Variants in SLC9A9 observed in about 807,000 individuals in gnomAD.
SLC9A9 encodes the protein solute carrier family 9 member A9.
Under a neutral mutation model 77.8 loss-of-function variants are expected in SLC9A9, and 62 were observed. That is an observed-to-expected ratio of 0.80 (90% CI 0.65 to 0.98). SLC9A9 has a LOEUF of 0.98. Ranked by LOEUF, SLC9A9 falls within the 50% of genes least tolerant of loss-of-function variation. The pLI, the probability that SLC9A9 is intolerant of heterozygous loss-of-function variation, is 0.00. For synonymous variants in SLC9A9, 320 were observed against 283.5 expected (o/e 1.13, Z -1.29); for missense variants, 775 against 774.9 (o/e 1.00, Z 0.00).
chr3:143,805,478 G>A (rs1289355735), intron 2 of SLC9A9, among the ~76,000 whole-genome samples: 1 of 152,140 alleles, frequency 6.6e-6, no homozygotes, highest in Non-Finnish European at 1.5e-5. Flanking sequence ...AGGCAGGAAT[G>A]TCAGGCCTCT....
chr3:143,841,162 A>C (rs2009696718), intron 1 of SLC9A9, among the ~76,000 whole-genome samples: 1 of 152,030 alleles, frequency 6.6e-6, no homozygotes, highest in African/African-American at 2.4e-5. Flanking sequence ...TGGTTTCCTT[A>C]TCTGTAATAT....
chr3:143,638,773 C>A (rs1455242155), intron 6 of SLC9A9, among the ~76,000 whole-genome samples: 1 of 152,226 alleles, frequency 6.6e-6, no homozygotes, highest in Non-Finnish European at 1.5e-5. Flanking sequence ...CCCTCTATTG[C>A]TGAACAGCTG....
intron 5 of SLC9A9, among the ~76,000 whole-genome samples, chr3:143,672,545 C>T (rs1372630283): frequency 3.3e-5 from 5 of 152,132 alleles, no homozygotes; most frequent in African/African-American, 4.8e-5. Flanking sequence ...TGGAGTTCCA[C>T]GATGAATGAA....
At chr3:143,622,539 A>G (rs1283001107) in intron 6 of SLC9A9, among the ~76,000 whole-genome samples, 2 of 152,202 alleles carry the variant, frequency 1.3e-5, no homozygotes, top group Non-Finnish European at 2.9e-5. Context: ...AAGGAGAAAT[A>G]AAATACTTTA....
intron 11 of SLC9A9, among the ~76,000 whole-genome samples, chr3:143,472,698 C>T (rs2035398545): frequency 6.6e-6 from 1 of 152,214 alleles, no homozygotes; most frequent in African/African-American, 2.4e-5. Flanking sequence ...ACACAGTAGG[C>T]ACTCAATAAC....
chr3:143,314,678 C>T (rs1285080323), intron 14 of SLC9A9, among the ~76,000 whole-genome samples: 2 of 152,232 alleles, frequency 1.3e-5, no homozygotes, highest in African/African-American at 4.8e-5. Context: ...CAGCCCTCTT[C>T]GAGGTTACAC....
At chr3:143,702,648 C>T (rs147141843) in intron 4 of SLC9A9, among the ~76,000 whole-genome samples, 185 of 150,960 alleles carry the variant, frequency 1.2e-3, no homozygotes, top group Non-Finnish European at 1.1e-3. Flanking sequence ...AGAGGAAGAA[C>T]GAAAGAAGAG....
intron 14 of SLC9A9, among the ~76,000 whole-genome samples, chr3:143,289,124 G>T (rs1938462798): frequency 6.6e-6 from 1 of 152,152 alleles, no homozygotes; most frequent in African/African-American, 2.4e-5. Context: ...CAGTGGTAGG[G>T]ATGACAGGAG....
intron 14 of SLC9A9, among the ~76,000 whole-genome samples, chr3:143,275,087 G>T (rs1021892506): frequency 1.1e-4 from 16 of 152,106 alleles, no homozygotes; most frequent in Non-Finnish European, 2.1e-4. Context: ...AGGGTTCATG[G>T]GAACAATATT....
intron 14 of SLC9A9, chr3:143,344,687 A>C (rs953547799): frequency 6.6e-6 from 1 of 152,158 alleles, no homozygotes; most frequent in African/African-American, 2.4e-5. Flanking sequence ...AGTGACTCTG[A>C]CCTTGAGGAG....
chr3:143,739,070 G>A (rs918656798), intron 4 of SLC9A9, among the ~76,000 whole-genome samples: 13 of 152,068 alleles, frequency 8.5e-5, no homozygotes, highest in African/African-American at 2.9e-4. Flanking sequence ...CCCCTCTCCT[G>A]GGGTTGAGTG....
rs1021653204 is a variant in SLC9A9 at position 143,576,645 on chromosome 3, G to A, written c.894+1940C>T. Among the ~76,000 whole-genome samples the A allele has an allele frequency of 2.0e-5, 3 of 152,284 alleles. No homozygotes were observed. The East Asian group carries it at 5.8e-4, about 29-fold the overall frequency. On this transcript the variant is annotated intron_variant, in intron 7 of 15. Coordinates refer to ENST00000316549, the MANE Select transcript of SLC9A9 (RefSeq NM_173653.4). ...GGGAGCAGTGAAGAGAGCATGTTCG[G>A]CCTCTTGATTCTCACTCTCCGGGTT...
intron 14 of SLC9A9, among the ~76,000 whole-genome samples, chr3:143,320,451 G>A (rs982405259): frequency 1.6e-4 from 24 of 152,210 alleles, no homozygotes; most frequent in African/African-American, 5.1e-4. Context: ...GTTGGCTCAT[G>A]GTTCTGCAGG....
chr3:143,561,688 G>A (rs964768720), intron 8 of SLC9A9, among the ~76,000 whole-genome samples: 5 of 151,952 alleles, frequency 3.3e-5, no homozygotes, highest in African/African-American at 1.2e-4. Flanking sequence ...CCTGTCTCAC[G>A]GTCTGTTTTT....
intron 8 of SLC9A9, among the ~76,000 whole-genome samples, chr3:143,558,364 C>T (rs1335300736): frequency 2.0e-5 from 3 of 152,074 alleles, no homozygotes; most frequent in African/African-American, 7.2e-5. Context: ...TCCTCTAGAC[C>T]CCAGAATTGT....
intron 14 of SLC9A9, among the ~76,000 whole-genome samples, 179 bp downstream of exon 14, chr3:143,363,305 A>C (rs543784186): frequency 6.6e-6 from 1 of 152,254 alleles, no homozygotes; most frequent in Non-Finnish European, 1.5e-5. Context: ...GAAACACTTA[A>C]GTATGGACTA....
intron 9 of SLC9A9, among the ~76,000 whole-genome samples, chr3:143,502,510 T>G (rs2035938478): frequency 6.6e-6 from 1 of 152,230 alleles, no homozygotes; most frequent in South Asian, 2.1e-4. Flanking sequence ...AATATGTTTA[T>G]CACTAATTCT....
intron 9 of SLC9A9, among the ~76,000 whole-genome samples, chr3:143,512,133 G>T (rs2036126343): frequency 6.6e-6 from 1 of 152,182 alleles, no homozygotes; most frequent in South Asian, 2.1e-4. Flanking sequence ...ATATCATAAT[G>T]CTCCATAAAT....
chr3:143,705,029 ATC>A (rs1186307991), intron 4 of SLC9A9, among the ~76,000 whole-genome samples: 365 of 32,760 alleles, frequency 0.011, 3 homozygotes, highest in African/African-American at 0.035. Flanking sequence ...CTATCTATCT[ATC>A]TATCTATCTA....
Sources: gnomAD v4.1 joint callset for allele counts (sites outside exome capture counted in the v4.1 genomes callset) on GRCh38, gnomAD v4.1.1 for gene constraint, MANE v1.5 for transcripts, NCBI Gene and HGNC (gene_info 2026-07-23, HGNC 2026-07-21) for gene names.